PARP8: variants seen among roughly 807,000 people sequenced by gnomAD.
PARP8 encodes the protein protein mono-ADP-ribosyltransferase PARP8.
A neutral mutation model predicts 124.1 loss-of-function variants in PARP8; 51 were observed. That is an observed-to-expected ratio of 0.41 (90% CI 0.33 to 0.52). PARP8 has a LOEUF of 0.52. Ranked by LOEUF, PARP8 falls within the 20% of genes least tolerant of loss-of-function variation. The pLI is 0.21. For missense variants in PARP8, 860 were observed against 1,018.9 expected (o/e 0.84, Z 2.12); for synonymous variants, 391 against 361.5 (o/e 1.08, Z -0.93).
At chr5:50,767,557 A>G (rs1227703316) in intron 7 of PARP8, among the ~76,000 whole-genome samples, 1 of 152,246 alleles carries the variant, frequency 6.6e-6, no homozygotes, top group Non-Finnish European at 1.5e-5. Flanking sequence ...AAGATTTTTA[A>G]GCTGACTGCA....
intron 18 of PARP8, among the ~76,000 whole-genome samples, chr5:50,825,537 G>A (rs769692463): frequency 2.6e-5 from 4 of 152,172 alleles, no homozygotes; most frequent in East Asian, 1.9e-4. Context: ...AGACTGTGAA[G>A]AGGAGAGAAG....
chr5:50,781,059 A>G (rs1478018031), intron 9 of PARP8, among the ~76,000 whole-genome samples: 2 of 152,134 alleles, frequency 1.3e-5, no homozygotes, highest in South Asian at 2.1e-4. Flanking sequence ...GCTAATCCCA[A>G]TATGCTGGTT....
intron 6 of PARP8, among the ~76,000 whole-genome samples, chr5:50,762,731 G>A (rs1408421343): frequency 6.6e-6 from 1 of 152,166 alleles, no homozygotes; most frequent in Non-Finnish European, 1.5e-5. Flanking sequence ...TGTCTTTCTA[G>A]CAATAAGATA....
chr5:50,681,677 G>A (rs1180011231), intron 2 of PARP8, among the ~76,000 whole-genome samples: 2 of 152,060 alleles, frequency 1.3e-5, no homozygotes, highest in East Asian at 3.9e-4. Context: ...ATCAGAACAG[G>A]GTTTCTTCCA....
intron 15 of PARP8, among the ~76,000 whole-genome samples, chr5:50,816,895 G>GA (rs540891201): frequency 4.6e-5 from 7 of 150,574 alleles, no homozygotes; most frequent in African/African-American, 9.7e-5. Flanking sequence ...TTGCTAAAAG[G>GA]AAAAAAAAGG....
At chr5:50,772,257 G>C (rs767049581) in intron 7 of PARP8, among the ~76,000 whole-genome samples, 29 of 152,220 alleles carry the variant, frequency 1.9e-4, no homozygotes, top group Middle Eastern at 6.8e-3. Flanking sequence ...ATCTGTTAAT[G>C]GACACTTAGG....
chr5:50,816,076 CATTA>C (rs1745070866), intron 15 of PARP8, among the ~76,000 whole-genome samples: 1 of 151,416 alleles, frequency 6.6e-6, no homozygotes, highest in African/African-American at 2.4e-5. Context: ...AATTAATGAA[CATTA>C]ATTAAGAGAG....
chr5:50,781,435 A>G (rs1740657502), intron 9 of PARP8, among the ~76,000 whole-genome samples: 1 of 152,208 alleles, frequency 6.6e-6, no homozygotes, highest in African/African-American at 2.4e-5. Flanking sequence ...TTTGGAAATT[A>G]GTGTGATGTG....
In PARP8 at chr5:50,778,115, G is replaced by A; in HGVS notation, c.565G>A (p.Val189Ile). The change falls in exon 8 of 26, where the codon GTT (valine) becomes ATT (isoleucine). Residue 189 changes from valine (V) to isoleucine (I), a missense_variant. By Grantham distance (29) the Val-to-Ile change is conservative (BLOSUM62 3). This residue lies in a region of PARP8 where 517 missense variants were observed against 544.2 expected (regional missense o/e 0.95). Coordinates refer to ENST00000281631, the MANE Select transcript of PARP8 (RefSeq NM_024615.4). Reference protein sequence around the residue: ...DDVDIDLHIDVSFLDEEIAVA... With the variant: ...DDVDIDLHIDISFLDEEIAVA... ...TGTAGATATTGATCTGCATATCGATGTTAGCTTTCTTGATGTAAGTATCAA... is the reference window on the plus strand; with the variant it reads ...TGTAGATATTGATCTGCATATCGATATTAGCTTTCTTGATGTAAGTATCAA... 1 of 1,606,388 alleles carries A rather than the reference G, an allele frequency of 6.2e-7. No individual in the cohort carries two copies. The highest frequency in any genetic ancestry group is 8.5e-7 in the Non-Finnish European group (1 of 1,176,740).
chr5:50,707,930 T>C (rs1242897831), intron 2 of PARP8, among the ~76,000 whole-genome samples: 1 of 152,136 alleles, frequency 6.6e-6, no homozygotes, highest in Non-Finnish European at 1.5e-5. Context: ...TTACATTTCC[T>C]TACCACACGA....
intron 10 of PARP8, among the ~76,000 whole-genome samples, chr5:50,789,931 T>C (rs1334854607): frequency 6.6e-6 from 1 of 152,174 alleles, no homozygotes; most frequent in African/African-American, 2.4e-5. Flanking sequence ...CTATATTTGA[T>C]ATATGAAATA....
chr5:50,723,308 C>A, intron 2 of PARP8, among the ~76,000 whole-genome samples: 1 of 152,070 alleles, frequency 6.6e-6, no homozygotes, highest in South Asian at 2.1e-4. Flanking sequence ...TATTAAATAT[C>A]TCTCAAGTGT....
At chr5:50,808,551 A>G (rs1744109118) in intron 14 of PARP8, among the ~76,000 whole-genome samples, 2 of 151,916 alleles carry the variant, frequency 1.3e-5, no homozygotes. Flanking sequence ...GCTTCAAGGA[A>G]TTTCCTTGTG....
chr5:50,735,921 G>A (rs1757422702), intron 2 of PARP8, among the ~76,000 whole-genome samples: 1 of 151,160 alleles, frequency 6.6e-6, no homozygotes, highest in African/African-American at 2.4e-5. Context: ...AATACCTGAA[G>A]GATGAGTAGG....
chr5:50,794,219 A>T lies in PARP8; in HGVS notation c.750A>T (p.Thr250=). The part of the protein sequence containing the change: ...LGHQLKKIMQ[T]FVTQQWKQSK... The stretch of plus-strand genomic sequence containing the variant: ...TTTGGATTGACAGAATCATGCAGAC[A>T]TTTGTTACACAGCAGTGGAAACAGA... Residue 250 remains threonine, a synonymous_variant, in exon 11 of 26, where the codon ACA becomes ACT. Transcript: ENST00000281631. 1 of 1,612,144 alleles carries T rather than the reference A, an allele frequency of 6.2e-7. No homozygotes were observed. Among genetic ancestry groups the T allele is most frequent in the East Asian group, 2.2e-5 (1 of 44,734 alleles).
At chr5:50,820,872 T>C (rs913779713) in intron 15 of PARP8, among the ~76,000 whole-genome samples, 2 of 152,250 alleles carry the variant, frequency 1.3e-5, no homozygotes, top group Non-Finnish European at 2.9e-5. Flanking sequence ...TGATATTTTA[T>C]TGTGTATCTT....
intron 23 of PARP8, 133 bp downstream of exon 23, chr5:50,832,987 T>C (rs1398936112): frequency 1.4e-6 from 1 of 726,068 alleles, no homozygotes; most frequent in Non-Finnish European, 2.3e-6. Context: ...GGAATAAAAC[T>C]CACTCTGAAA....
intron 2 of PARP8, chr5:50,742,048 G>A (rs373177865): frequency 7.6e-6 from 2 of 263,918 alleles, no homozygotes. Context: ...GAACTCAGGT[G>A]ATCCGCCCGC....
chr5:50,765,981 T>C (rs16885310), intron 7 of PARP8, among the ~76,000 whole-genome samples: 6,599 of 150,344 alleles, frequency 0.044, 457 homozygotes, highest in African/African-American at 0.15. Context: ...CTATTAGGAG[T>C]AATTTTTTTT....
Sources: allele counts gnomAD v4.1 joint callset (sites outside exome capture counted in the v4.1 genomes callset), GRCh38; gene constraint gnomAD v4.1.1; regional missense constraint gnomAD v4.1.1; transcripts MANE v1.5; gene names NCBI Gene and HGNC (gene_info 2026-07-23, HGNC 2026-07-21).